The following VPS54 variants were observed in gnomAD, a reference collection of about 807,000 sequenced individuals.
VPS54 encodes vacuolar protein sorting-associated protein 54.
A neutral mutation model predicts 121.5 loss-of-function variants in VPS54; 45 were observed. That is an observed-to-expected ratio of 0.37 (90% CI 0.29 to 0.47). The LOEUF (loss-of-function observed/expected upper bound fraction) is 0.47. Ranked by LOEUF, VPS54 falls within the 20% of genes least tolerant of loss-of-function variation. The probability of loss-of-function intolerance (pLI) is 0.99; values close to 1 mark genes in which losing one functional copy is unlikely to be tolerated. For missense variants in VPS54, 1,090 were observed against 1,131.4 expected (o/e 0.96, Z 0.52); for synonymous variants, 371 against 385.8 (o/e 0.96, Z 0.45).
intron 3 of VPS54, among the ~76,000 whole-genome samples, chr2:63,976,447 C>A (rs969794227): frequency 6.6e-6 from 1 of 151,700 alleles, no homozygotes; most frequent in African/African-American, 2.4e-5. Context: ...AGCTTCATGA[C>A]AGCCTCACCA....
chr2:63,926,634 A>G (rs1014338788), intron 12 of VPS54, among the ~76,000 whole-genome samples: 5 of 152,014 alleles, frequency 3.3e-5, no homozygotes, highest in African/African-American at 1.2e-4. Flanking sequence ...TTGGGACTGG[A>G]TGGACAGTGG....
In VPS54 at chr2:63,951,825, T is replaced by C. The variant is rs537337406; in HGVS notation, c.1011-2662A>G. 5.9e-5 allele frequency among the ~76,000 whole-genome samples: 9 copies of C among 152,268 alleles called. No individual in the cohort carries two copies. In the South Asian group the frequency reaches 1.9e-3, roughly 32 times the overall value. On this transcript the variant is annotated intron_variant, in intron 7 of 22. Transcript: ENST00000272322. ...TACTGAAAAAAAATCTGTGTATAAA[T>C]GGACCCACAAGTCCAAACCCATGTT...
intron 13 of VPS54, 76 bp downstream of exon 13, chr2:63,921,130 C>A: frequency 6.8e-7 from 1 of 1,464,512 alleles, no homozygotes; most frequent in Non-Finnish European, 9.2e-7. Flanking sequence ...ATGGGGAACA[C>A]AGGAAGCAAA....
chr2:63,919,871 G>C lies in VPS54; in HGVS notation c.2164+12C>G. On this transcript the variant is annotated intron_variant, in intron 15 of 22. Coordinates refer to ENST00000272322, the MANE Select transcript of VPS54 (RefSeq NM_016516.3). ...TAAAATTGAAAGAGAATGTGTGAAT[G>C]AATACACATACCTCCTGATTTTTTT... 1 of 1,571,674 alleles carries C rather than the reference G, an allele frequency of 6.4e-7. No individual in the cohort carries two copies. The highest frequency in any genetic ancestry group is 8.7e-7 in the Non-Finnish European group (1 of 1,148,556).
intron 7 of VPS54, among the ~76,000 whole-genome samples, chr2:63,961,356 T>C (rs1675759934): frequency 6.6e-6 from 1 of 152,226 alleles, no homozygotes; most frequent in African/African-American, 2.4e-5. Context: ...TGAAGCTAAC[T>C]TTTCCATAAT....
At position 63,893,424 on chromosome 2, in the gene VPS54, A is replaced by G. The variant is rs1672311023; in HGVS notation, c.*6T>C. On this transcript the variant is annotated 3_prime_UTR_variant, in exon 23 of 23. Transcript: ENST00000272322. Reference sequence around the variant, plus strand: ...CAGATGAACTACCCAGTTTTCCAGGATGACATCACCTCTTCTGCTCCCAAA... The same window carrying G: ...CAGATGAACTACCCAGTTTTCCAGGGTGACATCACCTCTTCTGCTCCCAAA... The G allele has an allele frequency of 1.2e-6, 2 of 1,611,832 alleles. No homozygotes were observed. Among genetic ancestry groups the G allele is most frequent in the Non-Finnish European group, 1.7e-6 (2 of 1,178,030 alleles).
chr2:63,909,931 T>C (rs1243182300), intron 20 of VPS54, among the ~76,000 whole-genome samples: 1 of 151,920 alleles, frequency 6.6e-6, no homozygotes, highest in Non-Finnish European at 1.5e-5. Flanking sequence ...TTCACCATAT[T>C]GGCCAAGCTG....
At chr2:63,949,272 C>T (rs1675130003) in intron 7 of VPS54, 109 bp from the exon 8 acceptor site, 2 of 1,032,958 alleles carry the variant, frequency 1.9e-6, no homozygotes, top group Non-Finnish European at 2.7e-6. Flanking sequence ...AGTACCTGTG[C>T]AATAATGCAA....
chr2:63,924,329 T>C (rs1673796487), intron 12 of VPS54, among the ~76,000 whole-genome samples: 1 of 152,220 alleles, frequency 6.6e-6, no homozygotes, highest in Non-Finnish European at 1.5e-5. Context: ...GCCACTAGGA[T>C]GTGAGTGGAA....
At chr2:63,990,667 T>G (rs1192419788) in intron 1 of VPS54, among the ~76,000 whole-genome samples, 1 of 152,194 alleles carries the variant, frequency 6.6e-6, no homozygotes, top group Non-Finnish European at 1.5e-5. Context: ...TTCCTATCAC[T>G]TCTATGCCAA....
chr2:63,991,481 C>G lies in VPS54; in HGVS notation c.-20-7462G>C, dbSNP rs555101138. ...TCTGTGGGCACGGGCCATGAAGGAC[C>G]AATCAAACTGGCCCCACTAATTCTT... On this transcript the variant is annotated intron_variant, in intron 1 of 22. Transcript: ENST00000272322. Among the ~76,000 whole-genome samples, 6 of 152,254 alleles carry G rather than the reference C, an allele frequency of 3.9e-5. No individual in the cohort carries two copies. The East Asian group carries it at 9.7e-4, about 25-fold the overall frequency.
At chr2:63,974,933 G>T in intron 3 of VPS54, 1 of 1,502,588 alleles carries the variant, frequency 6.7e-7, no homozygotes, top group Non-Finnish European at 8.9e-7. Flanking sequence ...TATTACATTA[G>T]TTAGGACTTC....
chr2:63,997,256 G>A (rs2104662332), intron 1 of VPS54, among the ~76,000 whole-genome samples: 1 of 152,242 alleles, frequency 6.6e-6, no homozygotes, highest in South Asian at 2.1e-4. Context: ...CTATTTTTCA[G>A]ACTAGTTTGA....
At chr2:64,005,089 C>CTTT (rs764515091) in intron 1 of VPS54, among the ~76,000 whole-genome samples, 1,147 of 44,134 alleles carry the variant, frequency 0.026, 127 homozygotes, top group East Asian at 0.052. Context: ...ACTATTGCTT[C>CTTT]TTTTTTTTTT....
At chr2:64,015,529 GATA>G (rs1678641711) in intron 1 of VPS54, among the ~76,000 whole-genome samples, 2 of 152,096 alleles carry the variant, frequency 1.3e-5, no homozygotes, top group Non-Finnish European at 2.9e-5. Context: ...TTTTGAACCG[GATA>G]ATTTCTTGCA....
chr2:63,997,284 C>A (rs994171959), intron 1 of VPS54, among the ~76,000 whole-genome samples: 3 of 152,090 alleles, frequency 2.0e-5, no homozygotes, highest in African/African-American at 7.2e-5. Flanking sequence ...TGGTACTAGA[C>A]CCTCATTAAA....
At chr2:63,893,654 A>C (rs1672321223) in intron 22 of VPS54, 119 bp from the exon 23 acceptor site, 1 of 823,026 alleles carries the variant, frequency 1.2e-6, no homozygotes, top group African/African-American at 1.7e-5. Flanking sequence ...TTAGTGCCCA[A>C]GTGTCCAAAT....
chr2:63,970,313 A>ATATATAGATATATATATATATAG (rs1312969372), intron 4 of VPS54, among the ~76,000 whole-genome samples: 2 of 148,292 alleles, frequency 1.3e-5, no homozygotes, highest in Non-Finnish European at 3.0e-5. Flanking sequence ...AGATATAGAT[A>ATATATAGATATATATATATATAG]AAACCCAGGC....
At chr2:64,001,522 C>A (rs1036820398) in intron 1 of VPS54, among the ~76,000 whole-genome samples, 1 of 152,214 alleles carries the variant, frequency 6.6e-6, no homozygotes, top group South Asian at 2.1e-4. Flanking sequence ...AGGCCCATGG[C>A]GTACTACGTG....
Sources: gnomAD v4.1 joint callset for allele counts (sites outside exome capture counted in the v4.1 genomes callset) on GRCh38, gnomAD v4.1.1 for gene constraint, MANE v1.5 for transcripts, NCBI Gene and HGNC (gene_info 2026-07-23, HGNC 2026-07-21) for gene names.